Variants in ENPP1 observed in about 807,000 individuals in gnomAD.
The protein encoded by ENPP1 is ectonucleotide pyrophosphatase/phosphodiesterase 1, also known as ectonucleotide pyrophosphatase/phosphodiesterase family member 1.
A neutral mutation model predicts 122.8 loss-of-function variants in ENPP1; 73 were observed. The ratio of observed to expected loss-of-function variants is 0.59; its 90% CI spans 0.49 to 0.72. The LOEUF (loss-of-function observed/expected upper bound fraction) is 0.72. Ranked by LOEUF, ENPP1 falls within the 30% of genes least tolerant of loss-of-function variation. The pLI, the probability that ENPP1 is intolerant of heterozygous loss-of-function variation, is 0.00. For synonymous variants in ENPP1, 367 were observed against 391.6 expected, an observed-to-expected ratio of 0.94 and a Z score of 0.74; for missense variants, 978 against 1,128.1, an observed-to-expected ratio of 0.87 and a Z score of 1.91.
chr6:131,830,236 A>T (rs1444491711), intron 1 of ENPP1, among the ~76,000 whole-genome samples: 2 of 152,176 alleles, frequency 1.3e-5, no homozygotes, highest in Admixed American at 1.3e-4. Context: ...GGCTGTGCAG[A>T]GGGTGAAGGT....
intron 11 of ENPP1, among the ~76,000 whole-genome samples, chr6:131,866,797 T>A (rs1402552107): frequency 6.6e-6 from 1 of 152,216 alleles, no homozygotes; most frequent in African/African-American, 2.4e-5. Flanking sequence ...GGACATGTCA[T>A]AATTGGTCAA....
Position 131,861,826 on chromosome 6 carries a change from T to C in ENPP1, c.1025+122T>C, listed in dbSNP as rs897845019. 15 of 678,720 alleles carry C rather than the reference T, an allele frequency of 2.2e-5. No individual in the cohort carries two copies. In the Admixed American group the frequency reaches 3.2e-4, roughly 15 times the overall value. 42.0% of individuals were successfully genotyped at this position (678,720 alleles called of 1,614,324 possible). On this transcript the variant is annotated intron_variant, in intron 9 of 24. Coordinates refer to ENST00000647893, the MANE Select transcript of ENPP1 (RefSeq NM_006208.3). ...GATATGTTGGCTGAAAAATGAGAAC[T>C]GAAGAACTCTTTCTCAAAGAGTTTA...
At chr6:131,838,176 A>G (rs1419048274) in intron 1 of ENPP1, among the ~76,000 whole-genome samples, 2 of 152,330 alleles carry the variant, frequency 1.3e-5, no homozygotes, top group East Asian at 1.9e-4. Context: ...ATTAGAGAAA[A>G]TAAGACAGAT....
chr6:131,828,109 G>C (rs1781567782), intron 1 of ENPP1: 1 of 606,812 alleles, frequency 1.6e-6, no homozygotes, highest in Non-Finnish European at 3.2e-6. Context: ...CGTTGATGTA[G>C]GAGTCCTGCT....
chr6:131,810,930 C>T (rs1409229478), intron 1 of ENPP1, among the ~76,000 whole-genome samples: 3 of 152,038 alleles, frequency 2.0e-5, no homozygotes, highest in African/African-American at 4.8e-5. Flanking sequence ...AGGCTTTTGG[C>T]CCTGGGCCCT....
At chr6:131,817,327 A>G (rs1327647323) in intron 1 of ENPP1, among the ~76,000 whole-genome samples, 4 of 152,104 alleles carry the variant, frequency 2.6e-5, no homozygotes, top group African/African-American at 9.7e-5. Context: ...ATTAGAACCT[A>G]AGAAATTTCT....
intron 17 of ENPP1, 53 bp from the exon 18 acceptor site, chr6:131,876,939 T>G (rs1782236583): frequency 3.2e-6 from 5 of 1,539,770 alleles, no homozygotes; most frequent in Non-Finnish European, 4.5e-6. Context: ...ACAAGTCTAC[T>G]ATTTGTTTGA....
intron 1 of ENPP1, 23 bp downstream of exon 1, chr6:131,808,298 G>A: frequency 4.7e-6 from 7 of 1,486,012 alleles, no homozygotes; most frequent in Non-Finnish European, 6.3e-6. Context: ...CCAGGCCCCG[G>A]CGCCCGGGAG....
chr6:131,871,052 G>A (rs1004319892), intron 13 of ENPP1, among the ~76,000 whole-genome samples: 2 of 151,868 alleles, frequency 1.3e-5, no homozygotes, highest in African/African-American at 4.8e-5. Flanking sequence ...CTCCAGCCTG[G>A]TGACAGAGAG....
In ENPP1 at chr6:131,879,965, C is replaced by T. The variant is rs368705462; in HGVS notation, c.2031C>T (p.His677=). 1.9e-6 allele frequency: 3 copies of T among 1,613,946 alleles called. No homozygotes were observed. The highest frequency in any genetic ancestry group is 1.3e-5 in the African/African-American group (1 of 75,024). ...KENTICLLSQ[H]QFMSGYSQDI... is the part of the protein sequence containing the mutation. ...ACACCATCTGTCTTCTTTCCCAGCA[C>T]CAGTTTATGAGTGGATACAGCCAAG... The change falls in exon 20 of 25, where the codon CAC becomes CAT. Residue 677 remains histidine (H), a synonymous_variant. Coordinates refer to ENST00000647893, the MANE Select transcript of ENPP1 (RefSeq NM_006208.3).
intron 1 of ENPP1, among the ~76,000 whole-genome samples, chr6:131,815,570 C>G (rs1308072379): frequency 1.3e-5 from 2 of 152,148 alleles, no homozygotes; most frequent in Non-Finnish European, 2.9e-5. Flanking sequence ...ATCTCCTGCC[C>G]CCATCATATC....
chr6:131,841,719 G>A (rs1406940917), intron 1 of ENPP1, among the ~76,000 whole-genome samples: 2 of 152,082 alleles, frequency 1.3e-5, no homozygotes, highest in Non-Finnish European at 2.9e-5. Context: ...CATGCCTCTC[G>A]GGAACTCACA....
chr6:131,889,419 C>G (rs11963188), intron 24 of ENPP1, among the ~76,000 whole-genome samples: 17,677 of 149,572 alleles, frequency 0.12, 1,953 homozygotes, highest in African/African-American at 0.3. Flanking sequence ...AGTGTATTTT[C>G]TTCCCCCACA....
At chr6:131,812,303 A>C (rs990362725) in intron 1 of ENPP1, among the ~76,000 whole-genome samples, 1 of 152,222 alleles carries the variant, frequency 6.6e-6, no homozygotes, top group Non-Finnish European at 1.5e-5. Flanking sequence ...ATTTTAATCC[A>C]CTTCTTGTCC....
rs1436856435 is a variant in ENPP1, at chr6:131,890,416, A to G, written c.2683A>G (p.Ile895Val). 6.2e-7 allele frequency: 1 copy of G among 1,613,526 alleles called. No individual in the cohort carries two copies. Among genetic ancestry groups the G allele is most frequent in the Non-Finnish European group, 8.5e-7 (1 of 1,179,376 alleles). The part of the protein sequence containing the change: ...HRARITDVEH[I>V]TGLSFYQQRK... The stretch of plus-strand genomic sequence containing the variant: ...AGCACGGATCACAGATGTTGAGCAC[A>G]TCACTGGACTCAGCTTCTATCAACA... Residue 895 changes from isoleucine to valine, a missense_variant, in exon 25 of 25, where the codon ATC becomes GTC. By Grantham distance (29) the Ile-to-Val change is conservative (BLOSUM62 3). Transcript: ENST00000647893.
chr6:131,890,511 A>C lies in ENPP1; in HGVS notation c.2778A>C (p.Ter926CysextTer9). ...TGCCAACCTTTAGCCAAGAAGACTG[A>C]TATGTTTTTTATCCCCAAACACCAT... ...THLPTFSQED[*>C] The change falls in exon 25 of 25, where the codon TGA becomes TGC. Residue 926 changes from the stop codon to cysteine (C), a stop_lost. Transcript: ENST00000647893. The C allele has an allele frequency of 6.2e-7, 1 of 1,612,326 alleles. No individual in the cohort carries two copies. The highest frequency in any genetic ancestry group is 8.5e-7 in the Non-Finnish European group (1 of 1,178,356).
intron 1 of ENPP1, among the ~76,000 whole-genome samples, chr6:131,836,655 A>T (rs1158501564): frequency 6.6e-6 from 1 of 152,230 alleles, no homozygotes; most frequent in Non-Finnish European, 1.5e-5. Flanking sequence ...ACTGTTTGAC[A>T]TGATGGCATA....
intron 15 of ENPP1, among the ~76,000 whole-genome samples, chr6:131,873,989 T>C (rs1381208976): frequency 6.6e-6 from 1 of 152,144 alleles, no homozygotes; most frequent in African/African-American, 2.4e-5. Context: ...CTATCTAAAC[T>C]CACAAGTAGT....
chr6:131,862,222 G>A lies in ENPP1; in HGVS notation c.1025+518G>A, dbSNP rs375134147. ...ACAAACAAAAAAAGACTAGACAAGT[G>A]TTTTCTAGAGCCTTTTGAGAAACAC... On this transcript the variant is annotated intron_variant, in intron 9 of 24. Transcript: ENST00000647893. 1.0e-3 allele frequency among the ~76,000 whole-genome samples: 153 copies of A among 152,182 alleles called. 7 individuals carry two copies. The South Asian group carries it at 0.031, about 31-fold the overall frequency.
Sources: allele counts gnomAD v4.1 joint callset (sites outside exome capture counted in the v4.1 genomes callset), GRCh38; gene constraint gnomAD v4.1.1; transcripts MANE v1.5; gene names NCBI Gene and HGNC (gene_info 2026-07-23, HGNC 2026-07-21).